CADPS: variants seen among roughly 807,000 people sequenced by gnomAD.
The protein encoded by CADPS is calcium dependent secretion activator, also known as calcium-dependent secretion activator 1.
CADPS carries 57 observed loss-of-function variants against 167.3 expected under a neutral mutation model. The observed-to-expected ratio is 0.34, with a 90% CI of 0.28 to 0.42. The LOEUF is 0.42. Among genes scored for constraint, CADPS ranks in the 20% least tolerant of loss-of-function variants. The pLI is 1.00. For synonymous variants in CADPS, 676 were observed against 635.3 expected (o/e 1.06, Z -0.96); for missense variants, 1,414 against 1,738.1 (o/e 0.81, Z 3.32).
intron 17 of CADPS, among the ~76,000 whole-genome samples, chr3:62,504,434 C>T (rs2066278862): frequency 6.6e-6 from 1 of 152,188 alleles, no homozygotes; most frequent in Non-Finnish European, 1.5e-5. Flanking sequence ...ACAGAAATTC[C>T]TGACTCATTC....
At chr3:62,491,974 T>C (rs1161413418) in intron 20 of CADPS, among the ~76,000 whole-genome samples, 4 of 152,210 alleles carry the variant, frequency 2.6e-5, no homozygotes, top group Non-Finnish European at 5.9e-5. Context: ...GAAAGCATCT[T>C]TTGATAAAAA....
chr3:62,824,864 A>G (rs559749164), intron 1 of CADPS, among the ~76,000 whole-genome samples: 1 of 152,162 alleles, frequency 6.6e-6, no homozygotes, highest in Admixed American at 6.6e-5. Context: ...TCCTTCTCCC[A>G]CATTCTCTCC....
chr3:62,821,608 C>CA (rs1351909296), intron 1 of CADPS, among the ~76,000 whole-genome samples: 2 of 152,102 alleles, frequency 1.3e-5, no homozygotes, highest in African/African-American at 4.8e-5. Flanking sequence ...GTGTCTGTGT[C>CA]AAAATTTACC....
intron 15 of CADPS, among the ~76,000 whole-genome samples, 161 bp from the exon 16 acceptor site, chr3:62,516,343 A>G (rs1457480410): frequency 1.3e-5 from 2 of 152,178 alleles, no homozygotes; most frequent in Non-Finnish European, 2.9e-5. Flanking sequence ...AGCATTGGCA[A>G]AGGCCGTCCA....
intron 6 of CADPS, among the ~76,000 whole-genome samples, chr3:62,634,774 A>G (rs1440848252): frequency 1.3e-5 from 2 of 152,164 alleles, no homozygotes; most frequent in Non-Finnish European, 2.9e-5. Context: ...TGCCTTGTCT[A>G]TTGTTTGTGC....
chr3:62,646,894 T>C (rs1285792335), intron 5 of CADPS, among the ~76,000 whole-genome samples: 1 of 152,178 alleles, frequency 6.6e-6, no homozygotes, highest in East Asian at 1.9e-4. Context: ...CAAAAACATG[T>C]CTGCAGCTGC....
chr3:62,512,665 C>T, intron 17 of CADPS, 86 bp downstream of exon 17: 1 of 1,027,016 alleles, frequency 9.7e-7, no homozygotes, highest in Non-Finnish European at 1.5e-6. Flanking sequence ...GAGTACAAAC[C>T]TTAAGGAGCC....
intron 3 of CADPS, among the ~76,000 whole-genome samples, chr3:62,740,639 A>C (rs1247799134): frequency 6.6e-6 from 1 of 152,020 alleles, no homozygotes; most frequent in Non-Finnish European, 1.5e-5. Flanking sequence ...ATCAAACCCC[A>C]TTGTTATCTG....
intron 28 of CADPS, among the ~76,000 whole-genome samples, chr3:62,423,098 A>G (rs1560175843): frequency 2.0e-5 from 3 of 152,224 alleles, no homozygotes; most frequent in African/African-American, 7.2e-5. Context: ...ATTTTGAAGC[A>G]TATATGGTAT....
At chr3:62,748,343 T>TTAAAAAAAAAAA (rs1564621720) in intron 3 of CADPS, among the ~76,000 whole-genome samples, 1 of 9,078 alleles carries the variant, frequency 1.1e-4, no homozygotes, top group African/African-American at 3.5e-4. Context: ...AGACTCCGTC[T>TTAAAAAAAAAAA]CAAAAAAAAA....
At chr3:62,527,805 G>C (rs978261495) in intron 13 of CADPS, among the ~76,000 whole-genome samples, 13 of 152,182 alleles carry the variant, frequency 8.5e-5, no homozygotes, top group Admixed American at 2.0e-4. Flanking sequence ...TGAGATCTCA[G>C]TGGAAATGGG....
intron 13 of CADPS, among the ~76,000 whole-genome samples, chr3:62,518,463 T>C (rs1390624531): frequency 6.6e-6 from 1 of 152,214 alleles, no homozygotes; most frequent in Non-Finnish European, 1.5e-5. Flanking sequence ...CTGTAGCTCT[T>C]TTCTTGTGAA....
rs1554105668 is a variant in CADPS, at chr3:62,715,373, C to CTACCTAT, written c.888+38067_888+38068insATAGGTA. The stretch of plus-strand genomic sequence containing the variant: ...CCAGCCCTATCTATCTATCTATCTA[C>CTACCTAT]CTATCTATCTATCTATCTATCTATC... On this transcript the variant is annotated intron_variant, in intron 3 of 29. Coordinates refer to ENST00000383710, the MANE Select transcript of CADPS (RefSeq NM_003716.4). 1.8e-3 allele frequency among the ~76,000 whole-genome samples: 236 copies of CTACCTAT among 134,604 alleles called. 1 individual carries two copies. Among genetic ancestry groups the CTACCTAT allele is most frequent in the Middle Eastern group, 0.016 (4 of 252 alleles). 88.3% of individuals were successfully genotyped at this position (134,604 alleles called of 152,430 possible).
At chr3:62,563,218 T>C (rs1489110791) in intron 9 of CADPS, among the ~76,000 whole-genome samples, 3 of 152,216 alleles carry the variant, frequency 2.0e-5, no homozygotes, top group Non-Finnish European at 2.9e-5. Flanking sequence ...AGAATATAAA[T>C]ATAAATGTCT....
At chr3:62,710,873 C>A (rs184849865) in intron 3 of CADPS, among the ~76,000 whole-genome samples, 247 of 152,240 alleles carry the variant, frequency 1.6e-3, no homozygotes, top group African/African-American at 5.4e-3. Context: ...ATTATCGCTG[C>A]CTCCTCCCCG....
At chr3:62,614,836 C>A (rs577008060) in intron 6 of CADPS, among the ~76,000 whole-genome samples, 9 of 152,284 alleles carry the variant, frequency 5.9e-5, no homozygotes, top group African/African-American at 2.2e-4. Flanking sequence ...CACTAACTAG[C>A]TATGTGATCT....
chr3:62,758,404 A>G (rs1231783192), intron 2 of CADPS, among the ~76,000 whole-genome samples: 2 of 152,240 alleles, frequency 1.3e-5, no homozygotes, highest in Non-Finnish European at 2.9e-5. Context: ...TGGAGACAAG[A>G]CAGCCATGAG....
intron 3 of CADPS, among the ~76,000 whole-genome samples, chr3:62,672,030 T>A: frequency 6.6e-6 from 1 of 152,170 alleles, no homozygotes; most frequent in Non-Finnish European, 1.5e-5. Flanking sequence ...TCCACCCACC[T>A]CAGCCTCTCA....
rs1211069211 is a variant in CADPS, at chr3:62,544,182, G to A, written c.1966+5721C>T. On this transcript the variant is annotated intron_variant, in intron 11 of 29. Coordinates refer to ENST00000383710, the MANE Select transcript of CADPS (RefSeq NM_003716.4). The surrounding 1 kb of genome is among the most constrained non-coding windows in gnomAD (Gnocchi z 4.4). ...TTTGTGTGTGCTAGTTCCATGTATT[G>A]TAGCTCTCCTTTCAAAATTAATCCT... Among the ~76,000 whole-genome samples the A allele has an allele frequency of 6.6e-6, 1 of 151,932 alleles. No individual in the cohort carries two copies. The highest frequency in any genetic ancestry group is 1.5e-5 in the Non-Finnish European group (1 of 67,976).
Sources: gnomAD v4.1 joint callset for allele counts (sites outside exome capture counted in the v4.1 genomes callset) on GRCh38, gnomAD v4.1.1 for gene constraint, Gnocchi (gnomAD v3.1) non-coding constraint, MANE v1.5 for transcripts, NCBI Gene and HGNC (gene_info 2026-07-23, HGNC 2026-07-21) for gene names.